The following MEIS1 variants were observed in gnomAD, a reference collection of about 807,000 sequenced individuals.
The protein encoded by MEIS1 is Meis homeobox 1, also known as homeobox protein Meis1.
Under a neutral mutation model 50.8 loss-of-function variants are expected in MEIS1, and 5 were observed. The observed-to-expected ratio is 0.10, with a 90% CI of 0.05 to 0.21. The LOEUF is 0.21. Among genes scored for constraint, MEIS1 ranks in the 10% least tolerant of loss-of-function variants. MEIS1 has a pLI of 1.00. For synonymous variants in MEIS1, 176 were observed against 179.3 expected, an observed-to-expected ratio of 0.98 and a Z score of 0.15; for missense variants, 318 against 517.3, an observed-to-expected ratio of 0.61 and a Z score of 3.74.
intron 2 of MEIS1, chr2:66,439,610 G>A (rs755004861): frequency 1.4e-5 from 21 of 1,536,856 alleles, no homozygotes; most frequent in Non-Finnish European, 1.7e-5. Context: ...ACGCTAAACC[G>A]ATCCTCAGAT....
intron 9 of MEIS1, among the ~76,000 whole-genome samples, chr2:66,555,258 C>G (rs1041176903): frequency 3.6e-5 from 1 of 27,662 alleles, no homozygotes; most frequent in Admixed American, 4.3e-4. Flanking sequence ...TACGTGTTCT[C>G]TCTCTCTCTC....
rs149809813 is a variant in MEIS1 at position 66,537,546 on chromosome 2, GTCTCTA to G, written c.889-10393_889-10388del. ...ACGAATTCTCCATCTCATTCTCCCT[GTCTCTA>G]TCTTTTTCTCTCTCAAAAATATCTC... On this transcript the variant is annotated intron_variant, in intron 8 of 12. Transcript: ENST00000272369. 9.5e-3 allele frequency among the ~76,000 whole-genome samples: 1,444 copies of G among 152,244 alleles called. 33 individuals are homozygous for G. The highest frequency in any genetic ancestry group is 0.032 in the African/African-American group (1,335 of 41,532).
chr2:66,449,690 A>G (rs1672235248), intron 6 of MEIS1, among the ~76,000 whole-genome samples: 1 of 152,180 alleles, frequency 6.6e-6, no homozygotes, highest in African/African-American at 2.4e-5. Flanking sequence ...CTAGAATCCA[A>G]TTATGATCAA....
intron 7 of MEIS1, among the ~76,000 whole-genome samples, chr2:66,488,355 A>G (rs1460437316): frequency 1.3e-5 from 2 of 152,186 alleles, no homozygotes; most frequent in East Asian, 1.9e-4. Flanking sequence ...TGAAATATAT[A>G]CTTCTGAGAA....
At chr2:66,520,168 T>C (rs781048359) in intron 8 of MEIS1, among the ~76,000 whole-genome samples, 20 of 152,060 alleles carry the variant, frequency 1.3e-4, no homozygotes, top group Non-Finnish European at 2.6e-4. Context: ...AAAATTCTTA[T>C]CTATTATTTA....
chr2:66,435,988 AG>A (rs1184141928), intron 1 of MEIS1, 120 bp downstream of exon 1: 2 of 813,676 alleles, frequency 2.5e-6, no homozygotes, highest in Non-Finnish European at 3.7e-6. Flanking sequence ...AGGCTCCTAA[AG>A]CCGTGGCCTA....
chr2:66,444,795 A>C (rs1672089139), intron 6 of MEIS1, among the ~76,000 whole-genome samples: 1 of 152,248 alleles, frequency 6.6e-6, no homozygotes, highest in Non-Finnish European at 1.5e-5. Flanking sequence ...CCTAACTGGA[A>C]AATGGGATTC....
intron 5 of MEIS1, among the ~76,000 whole-genome samples, chr2:66,442,585 T>A (rs1022775763): frequency 6.6e-5 from 10 of 152,118 alleles, no homozygotes; most frequent in African/African-American, 2.4e-4. Context: ...AATTAAATAG[T>A]TTACCTTAAA....
At chr2:66,510,327 CAGATGTAGGGGTCTGGAACAG>C (rs1673795750) in intron 7 of MEIS1, among the ~76,000 whole-genome samples, 1 of 152,074 alleles carries the variant, frequency 6.6e-6, no homozygotes, top group Non-Finnish European at 1.5e-5. Flanking sequence ...TGCTGATTTA[CAGATGTAGGGGTCTGGAACAG>C]CACAGACCCC....
rs148752435 is a variant in MEIS1 at position 66,516,360 on chromosome 2, G to A, written c.888+4066G>A. ...GGTCAATATCCAGCATTGACCAGTC[G>A]GAATGGTGATTCTGATGGTGAACTG... On this transcript the variant is annotated intron_variant, in intron 8 of 12. Transcript: ENST00000272369. 7.9e-5 allele frequency among the ~76,000 whole-genome samples: 12 copies of A among 152,134 alleles called. No homozygotes were observed. The East Asian group carries it at 2.1e-3, about 27-fold the overall frequency.
intron 8 of MEIS1, among the ~76,000 whole-genome samples, chr2:66,541,129 C>G (rs1674641264): frequency 6.6e-6 from 1 of 151,864 alleles, no homozygotes; most frequent in Admixed American, 6.6e-5. Context: ...GCTCTGCCTC[C>G]CGGGTTCACT....
chr2:66,520,002 C>T (rs556738901), intron 8 of MEIS1, among the ~76,000 whole-genome samples: 2 of 152,068 alleles, frequency 1.3e-5, no homozygotes, highest in Non-Finnish European at 2.9e-5. Flanking sequence ...CAAGTGCTGT[C>T]ATTTGCCACG....
intron 8 of MEIS1, among the ~76,000 whole-genome samples, chr2:66,517,398 A>G (rs1249005886): frequency 1.3e-5 from 2 of 152,080 alleles, no homozygotes; most frequent in East Asian, 1.9e-4. Context: ...GAAAACTAGT[A>G]TGAAGGTGCG....
rs989411463 is a variant in MEIS1 at position 66,439,783 on chromosome 2, T to G, written c.240-60T>G. On this transcript the variant is annotated intron_variant, in intron 2 of 12. Coordinates refer to ENST00000272369, the MANE Select transcript of MEIS1 (RefSeq NM_002398.3). ...CCTCCAGCTGTTTTTCTTGGGCACCTTTTTCCATTGACTGGGGACTAACCA... is the reference window on the plus strand; with the variant it reads ...CCTCCAGCTGTTTTTCTTGGGCACCGTTTTCCATTGACTGGGGACTAACCA... The G allele has an allele frequency of 3.4e-5, 54 of 1,599,088 alleles. No homozygotes were observed. In the Admixed American group the frequency reaches 8.9e-4, roughly 26 times the overall value.
intron 7 of MEIS1, among the ~76,000 whole-genome samples, chr2:66,511,193 A>AT (rs200052024): frequency 0.011 from 1,708 of 152,190 alleles, 24 homozygotes; most frequent in Non-Finnish European, 0.018. Flanking sequence ...CCTACTTTCC[A>AT]TTTGTACCTT....
In MEIS1 at chr2:66,437,820, C is replaced by T. The variant is rs769973553; in HGVS notation, c.96C>T (p.Ser32=). ...TMYGDPHAAR[S]MQPVHHLNHG... ...ATGGGGACCCGCATGCAGCCAGGTC[C>T]ATGCAGCCGGTCCACCACCTGAACC... Residue 32 remains serine, a synonymous_variant, in exon 2 of 13, where the codon TCC becomes TCT. Transcript: ENST00000272369. 5.6e-5 allele frequency: 90 copies of T among 1,613,870 alleles called. No individual in the cohort carries two copies. The highest frequency in any genetic ancestry group is 6.9e-5 in the Non-Finnish European group (82 of 1,179,900).
At chr2:66,472,514 G>T (rs1381750400) in intron 7 of MEIS1, among the ~76,000 whole-genome samples, 1 of 152,184 alleles carries the variant, frequency 6.6e-6, no homozygotes, top group Non-Finnish European at 1.5e-5. Context: ...CCCTTAGGAA[G>T]TTCCTGTGTG....
intron 6 of MEIS1, among the ~76,000 whole-genome samples, chr2:66,450,400 G>A (rs1350346637): frequency 6.6e-6 from 1 of 152,040 alleles, no homozygotes; most frequent in Non-Finnish European, 1.5e-5. Context: ...TTGTGCTGAG[G>A]AGCTGCCAGC....
chr2:66,512,046 A>G (rs1673845036), intron 7 of MEIS1, 103 bp from the exon 8 acceptor site: 5 of 1,272,696 alleles, frequency 3.9e-6, no homozygotes, highest in Non-Finnish European at 5.2e-6. Flanking sequence ...ACTATTAATC[A>G]TTTAAATTTG....
Sources: gnomAD v4.1 joint callset for allele counts (sites outside exome capture counted in the v4.1 genomes callset) on GRCh38, gnomAD v4.1.1 for gene constraint, MANE v1.5 for transcripts, NCBI Gene and HGNC (gene_info 2026-07-23, HGNC 2026-07-21) for gene names.